Variants in MMS22L observed in about 807,000 individuals in gnomAD.
The protein encoded by MMS22L is MMS22 like, DNA repair protein.
A neutral mutation model predicts 159.1 loss-of-function variants in MMS22L; 74 were observed. The observed-to-expected ratio is 0.47, with a 90% confidence interval of 0.39 to 0.56. MMS22L has a LOEUF of 0.56. Ranked by LOEUF, MMS22L falls within the 20% of genes least tolerant of loss-of-function variation. The pLI is 0.00. For synonymous variants in MMS22L, 517 were observed against 506.9 expected, an observed-to-expected ratio of 1.02 and a Z score of -0.27; for missense variants, 1,351 against 1,422.1, an observed-to-expected ratio of 0.95 and a Z score of 0.80.
At chr6:97,224,728 C>T (rs901728152) in intron 14 of MMS22L, among the ~76,000 whole-genome samples, 1 of 151,240 alleles carries the variant, frequency 6.6e-6, no homozygotes, top group East Asian at 1.9e-4. Context: ...ATTCATTCAT[C>T]TCTAATTTTT....
At chr6:97,218,059 G>A (rs1168493837) in intron 14 of MMS22L, among the ~76,000 whole-genome samples, 2 of 152,072 alleles carry the variant, frequency 1.3e-5, no homozygotes, top group East Asian at 1.9e-4. Flanking sequence ...TGCTGCACCT[G>A]TTTCCATAGT....
chr6:97,224,042 A>G (rs140823652), intron 14 of MMS22L, among the ~76,000 whole-genome samples: 69 of 152,294 alleles, frequency 4.5e-4, no homozygotes, highest in Non-Finnish European at 8.5e-4. Context: ...AGCATAAGAC[A>G]AAACCAAAAC....
chr6:97,182,268 G>C (rs1804796167), intron 15 of MMS22L, among the ~76,000 whole-genome samples: 2 of 151,952 alleles, frequency 1.3e-5, no homozygotes, highest in East Asian at 3.9e-4. Context: ...TCCAAGAAAG[G>C]CCTAGAAGAA....
chr6:97,164,855 G>A (rs1025735338), intron 21 of MMS22L, among the ~76,000 whole-genome samples: 3 of 151,970 alleles, frequency 2.0e-5, no homozygotes, highest in African/African-American at 7.3e-5. Context: ...CTGACCTCTA[G>A]TAATCCACCC....
intron 14 of MMS22L, among the ~76,000 whole-genome samples, chr6:97,203,984 C>T (rs1241558341): frequency 6.6e-6 from 1 of 152,052 alleles, no homozygotes; most frequent in Non-Finnish European, 1.5e-5. Flanking sequence ...AGCTGACTAC[C>T]ACTTAAAGGC....
chr6:97,202,970 A>T (rs1404450420), intron 14 of MMS22L, among the ~76,000 whole-genome samples: 1 of 152,150 alleles, frequency 6.6e-6, no homozygotes, highest in Non-Finnish European at 1.5e-5. Context: ...CCTTGTTTTT[A>T]TGCATTTTGT....
At chr6:97,202,720 T>C (rs1426415586) in intron 14 of MMS22L, among the ~76,000 whole-genome samples, 1 of 152,154 alleles carries the variant, frequency 6.6e-6, no homozygotes, top group Non-Finnish European at 1.5e-5. Flanking sequence ...TAAACCATCT[T>C]TGTTCAAGAT....
intron 22 of MMS22L, among the ~76,000 whole-genome samples, chr6:97,156,670 TG>T (rs1011604584): frequency 3.3e-5 from 5 of 152,346 alleles, no homozygotes; most frequent in African/African-American, 1.2e-4. Context: ...TCCATTGGTC[TG>T]GACATCTGTG....
At position 97,145,437 on chromosome 6, in the gene MMS22L, C is replaced by T. The variant is rs992503218; in HGVS notation, c.*1369G>A. 1 of 152,066 alleles carries T rather than the reference C, an allele frequency of 6.6e-6. No homozygotes were observed. The highest frequency in any genetic ancestry group is 2.4e-5 in the African/African-American group (1 of 41,392). 9.4% of individuals were successfully genotyped at this position (152,066 alleles called of 1,614,324 possible). On this transcript the variant is annotated 3_prime_UTR_variant, in exon 25 of 25. Transcript: ENST00000683635. Reference sequence around the variant, plus strand: ...TGTTTTCTTGAAGGAAGAGTAGAACCATGATAAAGACTATAATCCCAAGAA... The same window carrying T: ...TGTTTTCTTGAAGGAAGAGTAGAACTATGATAAAGACTATAATCCCAAGAA...
At chr6:97,157,055 T>A (rs1357793340) in intron 22 of MMS22L, among the ~76,000 whole-genome samples, 1 of 152,160 alleles carries the variant, frequency 6.6e-6, no homozygotes, top group Non-Finnish European at 1.5e-5. Context: ...GTAAGTTAGA[T>A]GCCTAGGTAT....
intron 14 of MMS22L, among the ~76,000 whole-genome samples, chr6:97,223,127 A>G (rs1809827992): frequency 6.6e-6 from 1 of 152,126 alleles, no homozygotes; most frequent in South Asian, 2.1e-4. Context: ...AGAAAGAAGC[A>G]TATGAAGTTA....
chr6:97,267,667 A>T, intron 8 of MMS22L: 5 of 334,948 alleles, frequency 1.5e-5, no homozygotes, highest in Admixed American at 4.9e-5. Context: ...AAAGAAAAAA[A>T]GAAAAGCTCT....
At chr6:97,203,238 C>T (rs1465899365) in intron 14 of MMS22L, among the ~76,000 whole-genome samples, 1 of 152,200 alleles carries the variant, frequency 6.6e-6, no homozygotes, top group Non-Finnish European at 1.5e-5. Flanking sequence ...CTAGGGTTAA[C>T]AGATGCTTTT....
chr6:97,194,669 G>A (rs998422264), intron 14 of MMS22L, among the ~76,000 whole-genome samples: 2 of 152,120 alleles, frequency 1.3e-5, no homozygotes, highest in Non-Finnish European at 2.9e-5. Context: ...CTGTCATGGA[G>A]GAGGATTGAA....
intron 10 of MMS22L, among the ~76,000 whole-genome samples, chr6:97,253,207 A>C (rs936937822): frequency 1.3e-5 from 2 of 152,086 alleles, no homozygotes; most frequent in African/African-American, 2.4e-5. Context: ...TATTTAGAGG[A>C]CTTTTTGAGA....
chr6:97,201,987 C>T (rs557285695), intron 14 of MMS22L, among the ~76,000 whole-genome samples: 29 of 152,238 alleles, frequency 1.9e-4, no homozygotes, highest in African/African-American at 6.7e-4. Context: ...CAAATGTTTC[C>T]ACAGTAACAT....
chr6:97,179,670 A>AT, intron 16 of MMS22L, 111 bp from the exon 17 acceptor site: 2 of 910,068 alleles, frequency 2.2e-6, no homozygotes, highest in East Asian at 2.9e-5. Context: ...GGCCTCATTG[A>AT]TTTTTCAGAC....
chr6:97,224,688 T>C (rs1810032753), intron 14 of MMS22L, among the ~76,000 whole-genome samples: 1 of 151,720 alleles, frequency 6.6e-6, no homozygotes, highest in Admixed American at 6.6e-5. Context: ...TGGTAATAAT[T>C]TCAGGTTTGC....
At chr6:97,273,203 C>T (rs879461525) in intron 4 of MMS22L, 141 bp from the exon 5 acceptor site, 18 of 673,826 alleles carry the variant, frequency 2.7e-5, no homozygotes, top group Non-Finnish European at 3.7e-5. Context: ...TCTTGCTCCC[C>T]GCTACTCCTC....
Sources: gnomAD v4.1 joint callset for allele counts (sites outside exome capture counted in the v4.1 genomes callset) on GRCh38, gnomAD v4.1.1 for gene constraint, MANE v1.5 for transcripts, NCBI Gene and HGNC (gene_info 2026-07-23, HGNC 2026-07-21) for gene names.